The following L3HYPDH variants were observed in gnomAD, a reference collection of about 807,000 sequenced individuals.
L3HYPDH encodes trans-L-3-hydroxyproline dehydratase.
L3HYPDH carries 32 observed loss-of-function variants against 26.5 expected under a neutral mutation model. The observed-to-expected ratio is 1.21, with a 90% confidence interval of 0.91 to 1.62. L3HYPDH has a LOEUF of 1.62. Among genes scored for constraint, L3HYPDH ranks in the 40% most tolerant of loss-of-function variants. The pLI, the probability that L3HYPDH is intolerant of heterozygous loss-of-function variation, is 0.00. For synonymous variants in L3HYPDH, 215 were observed against 196.6 expected, an observed-to-expected ratio of 1.09 and a Z score of -0.78; for missense variants, 554 against 476.4, an observed-to-expected ratio of 1.16 and a Z score of -1.52.
At position 59,475,913 on chromosome 14, in the gene L3HYPDH, T is replaced by C. The variant is rs746012365; in HGVS notation, c.895A>G (p.Lys299Glu). 1 of 1,613,694 alleles carries C rather than the reference T, an allele frequency of 6.2e-7. No homozygotes were observed. The highest frequency in any genetic ancestry group is 8.5e-7 in the Non-Finnish European group (1 of 1,179,894). ...LLELNQMRAF[K>E]SSATGSVFTG... ...AATACTGAGCCAGTTGCACTGCTTTTGAAGGCTCTCATCTGGTTCAGTTCC... is the reference window on the plus strand; with the variant it reads ...AATACTGAGCCAGTTGCACTGCTTTCGAAGGCTCTCATCTGGTTCAGTTCC... Residue 299 changes from lysine to glutamate, a missense_variant, in exon 4 of 5, where the codon AAA becomes GAA. Transcript: ENST00000247194.
At chr14:59,484,430 G>C, upstream of L3HYPDH, 3 of 1,363,526 alleles carry the variant, frequency 2.2e-6, no homozygotes, top group Non-Finnish European at 3.0e-6. Context: ...TCCGGGGGGC[G>C]GGGTCTCGGA....
At chr14:59,468,794 T>G (rs1049017733), downstream of L3HYPDH, among the ~76,000 whole-genome samples, 1 of 152,164 alleles carries the variant, frequency 6.6e-6, no homozygotes, top group Non-Finnish European at 1.5e-5. Flanking sequence ...AATCTGGAAT[T>G]TAGGAGACCA....
At chr14:59,485,315 G>T, upstream of L3HYPDH, 1 of 491,304 alleles carries the variant, frequency 2.0e-6, no homozygotes. Flanking sequence ...TATTAATTTA[G>T]AACATTGTGA....
the L3HYPDH span, among the ~76,000 whole-genome samples, chr14:59,494,756 CAGAT>C: frequency 6.6e-6 from 1 of 152,098 alleles, no homozygotes; most frequent in Non-Finnish European, 1.5e-5. Flanking sequence ...AAATGATACA[CAGAT>C]AACTAAGAAA....
the L3HYPDH span, among the ~76,000 whole-genome samples, chr14:59,502,365 A>T: frequency 1.3e-5 from 2 of 152,196 alleles, no homozygotes; most frequent in African/African-American, 4.8e-5. Flanking sequence ...CAGACTACCC[A>T]TGACAGTTGA....
the L3HYPDH span, chr14:59,505,256 T>G: frequency 6.7e-7 from 1 of 1,498,834 alleles, no homozygotes; most frequent in African/African-American, 1.4e-5. Context: ...GTTAATGTAT[T>G]TTTCTCAGTA....
chr14:59,487,611 TG>T (rs944923781), upstream of L3HYPDH: 42 of 1,226,246 alleles, frequency 3.4e-5, no homozygotes, highest in African/African-American at 2.8e-4. Context: ...TAGAATGATT[TG>T]GGGGGGTGTT....
chr14:59,479,142 C>A, intron 2 of L3HYPDH, 40 bp downstream of exon 2: 1 of 1,464,388 alleles, frequency 6.8e-7, no homozygotes, highest in Non-Finnish European at 9.2e-7. Context: ...CTCCATGCCA[C>A]AGAGAAGGGA....
At chr14:59,485,914 C>G (rs1030116636), upstream of L3HYPDH, 1 of 152,108 alleles carries the variant, frequency 6.6e-6, no homozygotes, top group Non-Finnish European at 1.5e-5. Flanking sequence ...CCTCACCGAG[C>G]CTGTTTGTTT....
At chr14:59,503,934 C>T in the L3HYPDH span, 1 of 1,613,492 alleles carries the variant, frequency 6.2e-7, no homozygotes, top group Non-Finnish European at 8.5e-7. Context: ...ATGGAATAAT[C>T]TCCATTTCCA....
the L3HYPDH span, among the ~76,000 whole-genome samples, chr14:59,499,757 A>G: frequency 6.6e-6 from 1 of 152,124 alleles, no homozygotes; most frequent in Non-Finnish European, 1.5e-5. Flanking sequence ...GCTTGAGGGT[A>G]AGACCAAGGG....
intron 4 of L3HYPDH, among the ~76,000 whole-genome samples, chr14:59,475,482 A>G (rs1889565156): frequency 6.6e-6 from 1 of 152,156 alleles, no homozygotes; most frequent in South Asian, 2.1e-4. Flanking sequence ...ATTTTTGCAA[A>G]CCTGTTTCAT....
At chr14:59,486,662 T>C (rs1039308738), upstream of L3HYPDH, 2 of 1,296,228 alleles carry the variant, frequency 1.5e-6, no homozygotes, top group Non-Finnish European at 2.2e-6. Flanking sequence ...ATTGCAATTA[T>C]TTTTTATAAT....
At chr14:59,470,487 A>G (rs923307549), downstream of L3HYPDH, among the ~76,000 whole-genome samples, 1 of 152,216 alleles carries the variant, frequency 6.6e-6, no homozygotes, top group Non-Finnish European at 1.5e-5. Flanking sequence ...TTGTGAGTTC[A>G]TGATGAAGAG....
At chr14:59,481,074 C>T (rs1299300615) in intron 1 of L3HYPDH, among the ~76,000 whole-genome samples, 1 of 152,158 alleles carries the variant, frequency 6.6e-6, no homozygotes, top group Non-Finnish European at 1.5e-5. Flanking sequence ...ACAATCATTT[C>T]CCTGGCCCAA....
At chr14:59,479,490 G>A (rs1018302813) in intron 1 of L3HYPDH, 139 bp from the exon 2 acceptor site, 9 of 816,606 alleles carry the variant, frequency 1.1e-5, no homozygotes, top group Non-Finnish European at 1.3e-5. Flanking sequence ...GTAAAAATCC[G>A]TTTTTTAAAT....
upstream of L3HYPDH, chr14:59,486,871 A>G (rs1890621234): frequency 5.4e-6 from 6 of 1,117,396 alleles, no homozygotes; most frequent in African/African-American, 4.7e-5. Flanking sequence ...ATTTTCACAT[A>G]CAACATTTTT....
the L3HYPDH span, chr14:59,498,861 T>A: frequency 6.2e-7 from 1 of 1,612,120 alleles, no homozygotes; most frequent in Non-Finnish European, 8.5e-7. Flanking sequence ...GCACTTTACT[T>A]CTTCCCAATT....
chr14:59,476,773 G>T (rs1253520717), intron 2 of L3HYPDH, among the ~76,000 whole-genome samples: 18 of 152,208 alleles, frequency 1.2e-4, no homozygotes. Context: ...TATTGTAGAC[G>T]ATGAAGTCAG....
Sources: gnomAD v4.1 joint callset for allele counts (sites outside exome capture counted in the v4.1 genomes callset) on GRCh38, gnomAD v4.1.1 for gene constraint, MANE v1.5 for transcripts, NCBI Gene and HGNC (gene_info 2026-07-23, HGNC 2026-07-21) for gene names.